PPA2: variants seen among roughly 807,000 people sequenced by gnomAD.
PPA2 encodes the protein inorganic pyrophosphatase 2, mitochondrial.
In PPA2, 48 loss-of-function variants were observed where a neutral mutation model predicts 49.5. That is an observed-to-expected ratio of 0.97 (90% CI 0.77 to 1.23). The LOEUF (loss-of-function observed/expected upper bound fraction) is 1.23, where lower values mean the gene tolerates loss of function less well. PPA2 is among the 50% of genes most tolerant of loss of function. The probability of loss-of-function intolerance (pLI) is 0.00; values close to 1 mark genes in which losing one functional copy is unlikely to be tolerated. For synonymous variants in PPA2, 131 were observed against 139.9 expected (o/e 0.94, Z 0.45); for missense variants, 429 against 410.1 (o/e 1.05, Z -0.40).
At chr4:105,458,472 C>G (rs1369596069) in intron 1 of PPA2, among the ~76,000 whole-genome samples, 1 of 151,968 alleles carries the variant, frequency 6.6e-6, no homozygotes, top group African/African-American at 2.4e-5. Flanking sequence ...AAAATTATTC[C>G]AAAATGAAGT....
At chr4:105,420,177 G>T (rs1723191365) in intron 7 of PPA2, among the ~76,000 whole-genome samples, 1 of 152,186 alleles carries the variant, frequency 6.6e-6, no homozygotes, top group Middle Eastern at 3.4e-3. Context: ...TCTCTACGTG[G>T]GTCAGGCTGG....
chr4:105,473,451 C>T (rs1406435156), intron 1 of PPA2: 3 of 381,178 alleles, frequency 7.9e-6, no homozygotes, highest in South Asian at 5.9e-5. Flanking sequence ...CAGGGAGCTC[C>T]CGCAGTAGGA....
intron 1 of PPA2, among the ~76,000 whole-genome samples, chr4:105,467,855 T>C (rs1723370334): frequency 6.6e-6 from 1 of 152,244 alleles, no homozygotes; most frequent in Non-Finnish European, 1.5e-5. Flanking sequence ...TCAGGAGTTC[T>C]GTTTTGTGCT....
chr4:105,432,631 G>A (rs575254706), intron 6 of PPA2, among the ~76,000 whole-genome samples: 8 of 152,282 alleles, frequency 5.3e-5, no homozygotes, highest in East Asian at 1.9e-4. Context: ...CAACCCACGC[G>A]GCCTACGGGC....
chr4:105,393,736 T>G (rs546528322), intron 9 of PPA2, among the ~76,000 whole-genome samples: 4 of 152,008 alleles, frequency 2.6e-5, no homozygotes, highest in Admixed American at 6.6e-5. Flanking sequence ...AGTATGGACC[T>G]AAACTGAACT....
At chr4:105,385,970 C>A (rs1176348975) in intron 10 of PPA2, among the ~76,000 whole-genome samples, 2 of 150,912 alleles carry the variant, frequency 1.3e-5, no homozygotes, top group African/African-American at 4.9e-5. Context: ...ACCTTTGCCT[C>A]CCAGGTTCAA....
chr4:105,424,387 T>C, intron 6 of PPA2, 65 bp from the exon 7 acceptor site: 1 of 1,396,300 alleles, frequency 7.2e-7, no homozygotes, highest in Non-Finnish European at 9.5e-7. Context: ...TATCACAAAA[T>C]CCATATAAAA....
At chr4:105,450,353 T>C (rs909049984) in intron 3 of PPA2, among the ~76,000 whole-genome samples, 1 of 151,960 alleles carries the variant, frequency 6.6e-6, no homozygotes, top group Admixed American at 6.6e-5. Context: ...TAATAAAAAA[T>C]TGGAATCTGA....
chr4:105,410,431 C>T lies in PPA2; in HGVS notation c.656-11267G>A, dbSNP rs143536374. 2.8e-3 allele frequency among the ~76,000 whole-genome samples: 421 copies of T among 152,270 alleles called. 2 individuals are homozygous for T. The highest frequency in any genetic ancestry group is 9.4e-3 in the African/African-American group (392 of 41,548). Reference sequence around the variant, plus strand: ...GGACTATGTGAAAAGACCAAATCTACGTTTGATTAGTGTACCTGAAAGTGA... The same window carrying T: ...GGACTATGTGAAAAGACCAAATCTATGTTTGATTAGTGTACCTGAAAGTGA... On this transcript the variant is annotated intron_variant, in intron 7 of 11. Transcript: ENST00000341695.
At chr4:105,381,491 A>C (rs1426530629) in intron 10 of PPA2, among the ~76,000 whole-genome samples, 5 of 152,054 alleles carry the variant, frequency 3.3e-5, no homozygotes. Flanking sequence ...TCTGATGAAA[A>C]AAATAGACTG....
intron 7 of PPA2, among the ~76,000 whole-genome samples, chr4:105,407,443 T>C (rs1560616273): frequency 6.6e-6 from 1 of 152,204 alleles, no homozygotes; most frequent in Non-Finnish European, 1.5e-5. Flanking sequence ...TTTCTTACAA[T>C]GTTAAACATA....
chr4:105,415,405 G>C (rs1340235183), intron 7 of PPA2, among the ~76,000 whole-genome samples: 1 of 152,236 alleles, frequency 6.6e-6, no homozygotes, highest in Non-Finnish European at 1.5e-5. Flanking sequence ...AGGTGGCAGG[G>C]GGCTGGTGTG....
chr4:105,398,292 C>A, intron 8 of PPA2: 1 of 151,060 alleles, frequency 6.6e-6, no homozygotes, highest in East Asian at 2.0e-4. Flanking sequence ...CCAGACAAAG[C>A]CCTCAAGATT....
At chr4:105,442,898 G>A (rs1578866171) in intron 5 of PPA2, among the ~76,000 whole-genome samples, 2 of 152,252 alleles carry the variant, frequency 1.3e-5, no homozygotes, top group African/African-American at 2.4e-5. Context: ...ATCCACACAC[G>A]CCTATGAAAC....
chr4:105,386,500 A>G, intron 10 of PPA2, 67 bp downstream of exon 10: 2 of 1,449,418 alleles, frequency 1.4e-6, no homozygotes, highest in Non-Finnish European at 1.9e-6. Context: ...TAGAGATTTC[A>G]GAATTTCTAC....
chr4:105,409,124 A>T (rs2130693), intron 7 of PPA2, among the ~76,000 whole-genome samples: 1 of 151,984 alleles, frequency 6.6e-6, no homozygotes, highest in African/African-American at 2.4e-5. Flanking sequence ...AGCACAAGGG[A>T]TCGGGGATTT....
intron 1 of PPA2, among the ~76,000 whole-genome samples, chr4:105,464,729 T>C (rs1317527596): frequency 6.6e-6 from 1 of 150,692 alleles, no homozygotes; most frequent in Non-Finnish European, 1.5e-5. Flanking sequence ...CTAGCTCTCT[T>C]GTCTGCCACC....
chr4:105,443,591 TCACACACACACA>T (rs56765056), intron 5 of PPA2, among the ~76,000 whole-genome samples: 4,320 of 145,480 alleles, frequency 0.03, 141 homozygotes, highest in African/African-American at 0.077. Context: ...TATGGTGTAT[TCACACACACACA>T]CACACACACA....
At position 105,435,683 on chromosome 4, in the gene PPA2, T is replaced by C. The variant is rs192391714; in HGVS notation, c.528+2267A>G. Among the ~76,000 whole-genome samples, 860 of 152,184 alleles carry C rather than the reference T, an allele frequency of 5.7e-3. 44 individuals are homozygous for C. The highest frequency in any genetic ancestry group is 0.054 in the Admixed American group (827 of 15,286). ...AAATCAATAAATGGGATTCACCACA[T>C]AAAGAAAACTAAGAATAAAAACCAC... On this transcript the variant is annotated intron_variant, in intron 6 of 11. Coordinates refer to ENST00000341695, the MANE Select transcript of PPA2 (RefSeq NM_176869.3).
Sources: gnomAD v4.1 joint callset for allele counts (sites outside exome capture counted in the v4.1 genomes callset) on GRCh38, gnomAD v4.1.1 for gene constraint, MANE v1.5 for transcripts, NCBI Gene and HGNC (gene_info 2026-07-23, HGNC 2026-07-21) for gene names.